The following URB1 variants were observed in gnomAD, a reference collection of about 807,000 sequenced individuals.
URB1 encodes URB1 ribosome biogenesis factor.
URB1 carries 197 observed loss-of-function variants against 242.3 expected under a neutral mutation model. The ratio of observed to expected loss-of-function variants is 0.81; its 90% CI spans 0.72 to 0.91. The LOEUF is 0.91. URB1 is among the 40% of genes least tolerant of loss of function. The pLI, the probability that URB1 is intolerant of heterozygous loss-of-function variation, is 0.00. For synonymous variants in URB1, 1,153 were observed against 1,201.8 expected (o/e 0.96, Z 0.84); for missense variants, 2,721 against 2,860.5 (o/e 0.95, Z 1.11).
At position 32,340,410 on chromosome 21, in the gene URB1, G is replaced by A. The variant is rs572549480; in HGVS notation, c.4316+1056C>T. On this transcript the variant is annotated intron_variant, in intron 25 of 38. Coordinates refer to ENST00000382751, the MANE Select transcript of URB1 (RefSeq NM_014825.3). ...GTGGATTACCTGAGGTCAGGAGTTC[G>A]AGACCAGCCTGCCCAACATGGTGAA... is the stretch of plus-strand genomic sequence containing the variant. 4.6e-4 allele frequency among the ~76,000 whole-genome samples: 70 copies of A among 152,298 alleles called. 1 individual carries two copies. The highest frequency in any genetic ancestry group is 2.4e-3 in the Admixed American group (36 of 15,302).
At chr21:32,385,450 T>C (rs1164039333) in intron 2 of URB1, 95 bp downstream of exon 2, 3 of 1,457,266 alleles carry the variant, frequency 2.1e-6, no homozygotes, top group Non-Finnish European at 2.7e-6. Flanking sequence ...TATAGAAAGT[T>C]GGTAATGGAA....
chr21:32,349,531 A>G (rs1476692030), intron 20 of URB1, 48 bp from the exon 21 acceptor site: 2 of 1,486,206 alleles, frequency 1.3e-6, no homozygotes, highest in Non-Finnish European at 1.8e-6. Context: ...ACGGGTTCAC[A>G]GCTACCAGGC....
At chr21:32,353,787 C>T in intron 18 of URB1, 146 bp downstream of exon 18, 1 of 964,438 alleles carries the variant, frequency 1.0e-6, no homozygotes, top group Non-Finnish European at 1.5e-6. Flanking sequence ...GCTCTGCTGG[C>T]TGGGTAGCTA....
chr21:32,347,933 T>C, intron 21 of URB1, 122 bp from the exon 22 acceptor site: 6 of 1,387,594 alleles, frequency 4.3e-6, no homozygotes, highest in Middle Eastern at 2.2e-4. Flanking sequence ...CCTTTCCTAA[T>C]CCATTCCATC....
chr21:32,324,174 T>C (rs1024050155), intron 32 of URB1, among the ~76,000 whole-genome samples: 5 of 152,128 alleles, frequency 3.3e-5, no homozygotes, highest in Non-Finnish European at 7.4e-5. Flanking sequence ...CACCACAGTT[T>C]CCTATAACTA....
In URB1 at chr21:32,354,092, T is replaced by A; in HGVS notation, c.2257A>T (p.Met753Leu). Residue 753 changes from methionine to leucine, a missense_variant, in exon 18 of 39, where the codon ATG becomes TTG. Met to Leu is a conservative substitution (Grantham distance 15, BLOSUM62 2). Transcript: ENST00000382751. ...CTGCCCTCCACCAGGACATCCACCATGTCGAGAACATCTGAGACAGAAAGA... is the reference window on the plus strand; with the variant it reads ...CTGCCCTCCACCAGGACATCCACCAAGTCGAGAACATCTGAGACAGAAAGA... The part of the protein sequence containing the change: ...PISHIDDVLD[M>L]VDVLVEGSEG... The A allele has an allele frequency of 6.4e-7, 1 of 1,551,634 alleles. No individual in the cohort carries two copies. The highest frequency in any genetic ancestry group is 8.7e-7 in the Non-Finnish European group (1 of 1,146,976).
At chr21:32,343,078 A>C (rs934815275) in intron 24 of URB1, among the ~76,000 whole-genome samples, 1 of 152,226 alleles carries the variant, frequency 6.6e-6, no homozygotes, top group African/African-American at 2.4e-5. Context: ...TATCCTATTA[A>C]TATATAAAAT....
rs758075018 is a variant in URB1, at chr21:32,322,504, G to T, written c.5314C>A (p.Gln1772Lys). 18 of 1,552,334 alleles carry T rather than the reference G, an allele frequency of 1.2e-5. No individual in the cohort carries two copies. Among genetic ancestry groups the T allele is most frequent in the South Asian group, 3.6e-5 (3 of 84,064 alleles). The stretch of plus-strand genomic sequence containing the variant: ...TCAAAGTCGGAGCTGTAGAAGAACT[G>T]GTAGAAGCCTGGCACTTTGTCCATG... ...LNMDKVPGFY[Q>K]FFYSSDFEQK... is the part of the protein sequence containing the mutation. Residue 1772 changes from glutamine (Q) to lysine (K), a missense_variant, in exon 33 of 39, where the codon CAG (glutamine) becomes AAG (lysine). By Grantham distance (53) the Gln-to-Lys change is moderately conservative. Coordinates refer to ENST00000382751, the MANE Select transcript of URB1 (RefSeq NM_014825.3).
chr21:32,354,437 A>G (rs1349807877), intron 17 of URB1, among the ~76,000 whole-genome samples: 1 of 152,244 alleles, frequency 6.6e-6, no homozygotes, highest in African/African-American at 2.4e-5. Flanking sequence ...GTTAAAGCAC[A>G]GGCCAGAGCC....
intron 10 of URB1, among the ~76,000 whole-genome samples, chr21:32,365,106 C>T (rs1053072361): frequency 6.6e-6 from 1 of 152,210 alleles, no homozygotes; most frequent in African/African-American, 2.4e-5. Context: ...CTCTCCCAGA[C>T]TACTAGGAGC....
intron 29 of URB1, among the ~76,000 whole-genome samples, 172 bp downstream of exon 29, chr21:32,333,991 T>C (rs146907026): frequency 2.4e-4 from 37 of 152,292 alleles, no homozygotes; most frequent in Non-Finnish European, 5.0e-4. Context: ...TGCAGATCAT[T>C]GTTGCAGCTG....
At chr21:32,329,853 C>T (rs2032873229) in intron 30 of URB1, among the ~76,000 whole-genome samples, 1 of 152,184 alleles carries the variant, frequency 6.6e-6, no homozygotes, top group African/African-American at 2.4e-5. Flanking sequence ...CTGAATCTCA[C>T]AAATGTAACA....
Position 32,349,843 on chromosome 21 carries a change from C to T in URB1, c.2833-360G>A, listed in dbSNP as rs577907073. 9.9e-5 allele frequency among the ~76,000 whole-genome samples: 15 copies of T among 151,572 alleles called. No homozygotes were observed. In the East Asian group the frequency reaches 2.9e-3, roughly 30 times the overall value. ...GGCTCAGTGGCTCACGCCTGTAATC[C>T]CAGCACTTCGGGAGGCTGTGGCGGG... On this transcript the variant is annotated intron_variant, in intron 20 of 38. Coordinates refer to ENST00000382751, the MANE Select transcript of URB1 (RefSeq NM_014825.3).
chr21:32,350,963 T>C (rs888125362), intron 19 of URB1, 41 bp from the exon 20 acceptor site: 15 of 1,524,644 alleles, frequency 9.8e-6, no homozygotes, highest in Non-Finnish European at 1.3e-5. Flanking sequence ...GAAAGACACA[T>C]CACCACAGAT....
In URB1 at chr21:32,312,687, A is replaced by C. The variant is rs374440887; in HGVS notation, c.*2231T>G. On this transcript the variant is annotated 3_prime_UTR_variant, in exon 39 of 39. Transcript: ENST00000382751. ...TGGATGTGACTTTATGTGACAGTGG[A>C]TCTGGGACCCTTGAAAGATCTAGTC... 1.7e-3 allele frequency: 267 copies of C among 156,560 alleles called. 1 individual carries two copies. The highest frequency in any genetic ancestry group is 6.1e-3 in the African/African-American group (254 of 41,590). The allele number at this position is 156,560 out of a possible 1,614,324, so 9.7% of individuals were successfully genotyped here. A position where few individuals can be genotyped will look rare whatever the true frequency, so the allele number is the denominator to read the frequency against.
Position 32,333,307 on chromosome 21 carries a change from C to A in URB1, c.4960+10G>T. 6.4e-7 allele frequency: 1 copy of A among 1,551,552 alleles called. No homozygotes were observed. The highest frequency in any genetic ancestry group is 8.7e-7 in the Non-Finnish European group (1 of 1,146,710). The stretch of plus-strand genomic sequence containing the variant: ...TAGCAAGCCCTGACCCAAGAGAAGA[C>A]TGCAGTTACCTGGCCTGGTCAGCTC... On this transcript the variant is annotated intron_variant, in intron 30 of 38. Transcript: ENST00000382751.
intron 30 of URB1, among the ~76,000 whole-genome samples, chr21:32,326,611 T>C (rs908814550): frequency 1.3e-5 from 2 of 152,134 alleles, no homozygotes; most frequent in African/African-American, 4.8e-5. Context: ...TCGGGGCAGA[T>C]TTCCCCTTGC....
intron 9 of URB1, among the ~76,000 whole-genome samples, chr21:32,367,822 C>CTG (rs1161411213): frequency 6.6e-6 from 1 of 152,182 alleles, no homozygotes; most frequent in Non-Finnish European, 1.5e-5. Flanking sequence ...CCCAGTCTAA[C>CTG]TGTGCTGAGA....
rs1269308710 is a variant in URB1 at position 32,334,172 on chromosome 21, C to G, written c.4848G>C (p.Leu1616=). 1 of 1,544,960 alleles carries G rather than the reference C, an allele frequency of 6.5e-7. No homozygotes were observed. Among genetic ancestry groups the G allele is most frequent in the African/African-American group, 1.4e-5 (1 of 72,938 alleles). ...ACAGCAGCAGCCCAACCTCGGGGGGCAGCAGCCTCCGGTTCTGGGGGAAGT... is the reference window on the plus strand; with the variant it reads ...ACAGCAGCAGCCCAACCTCGGGGGGGAGCAGCCTCCGGTTCTGGGGGAAGT... ...ILHFPQNRRL[L]PPEDTQELIF... The change falls in exon 29 of 39, where the codon CTG becomes CTC. Residue 1616 remains leucine (L), a synonymous_variant. Coordinates refer to ENST00000382751, the MANE Select transcript of URB1 (RefSeq NM_014825.3).
Sources: gnomAD v4.1 joint callset for allele counts (sites outside exome capture counted in the v4.1 genomes callset) on GRCh38, gnomAD v4.1.1 for gene constraint, MANE v1.5 for transcripts, NCBI Gene and HGNC (gene_info 2026-07-23, HGNC 2026-07-21) for gene names.